PRCP: variants seen among roughly 807,000 people sequenced by gnomAD.
PRCP encodes lysosomal Pro-X carboxypeptidase.
A neutral mutation model predicts 54.2 loss-of-function variants in PRCP; 46 were observed. The observed-to-expected ratio is 0.85, with a 90% CI of 0.67 to 1.09. PRCP has a LOEUF of 1.09. Ranked by LOEUF, PRCP falls within the 50% of genes least tolerant of loss-of-function variation. The probability of loss-of-function intolerance (pLI) is 0.00; values close to 1 mark genes in which losing one functional copy is unlikely to be tolerated. For synonymous variants in PRCP, 240 were observed against 212.2 expected, an observed-to-expected ratio of 1.13 and a Z score of -1.14; for missense variants, 613 against 596.8, an observed-to-expected ratio of 1.03 and a Z score of -0.28.
At chr11:82,844,747 A>AAAAAAAGAAAG (rs756222029) in intron 6 of PRCP, among the ~76,000 whole-genome samples, 5 of 136,048 alleles carry the variant, frequency 3.7e-5, no homozygotes, top group East Asian at 2.0e-4. Flanking sequence ...AAAAAAAAAA[A>AAAAAAAGAAAG]AAAGAAAGAA....
chr11:82,853,237 C>A lies in PRCP; in HGVS notation c.351G>T (p.Leu117Phe). 6.2e-7 allele frequency: 1 copy of A among 1,613,008 alleles called. No individual in the cohort carries two copies. The highest frequency in any genetic ancestry group is 8.5e-7 in the Non-Finnish European group (1 of 1,179,334). ...WDVAEELKAM[L>F]VFAEHRYYGE... ...CATAGTATCGATGTTCAGCAAACAC[C>A]AACATAGCTTTCAGTTCCTCAGCCA... Residue 117 changes from leucine (L) to phenylalanine (F), a missense_variant, in exon 3 of 9, where the codon TTG becomes TTT. Leu to Phe is a conservative substitution (Grantham distance 22, BLOSUM62 0). Coordinates refer to ENST00000313010, the MANE Select transcript of PRCP (RefSeq NM_005040.4).
At chr11:82,886,106 C>T (rs1859856908) in intron 1 of PRCP, among the ~76,000 whole-genome samples, 1 of 152,172 alleles carries the variant, frequency 6.6e-6, no homozygotes, top group Admixed American at 6.5e-5. Flanking sequence ...TCTCTTCTTT[C>T]TGTAACACAA....
rs1213516206 is a variant in PRCP at position 82,849,929 on chromosome 11, G to A, written c.736C>T (p.Arg246Ter). ...TAAAGCTTACCAGTATTTGAGAGTC[G>A]ATTAATGGCATCCCAGGACCTGTGG... ...SIHRSWDAIN[R>*]LSNTGSGLQW... The change falls in exon 5 of 9, where the codon CGA becomes TGA. Residue 246 changes from arginine to a stop codon, truncating the protein, a stop_gained. Transcript: ENST00000313010. LOFTEE classifies it high-confidence loss of function. 19 of 1,509,214 alleles carry A rather than the reference G, an allele frequency of 1.3e-5. No homozygotes were observed. Among genetic ancestry groups the A allele is most frequent in the Non-Finnish European group, 1.5e-5 (17 of 1,129,734 alleles). 93.5% of individuals were successfully genotyped at this position (1,509,214 alleles called of 1,614,324 possible). A position where few individuals can be genotyped will look rare whatever the true frequency, so the allele number is the denominator to read the frequency against.
rs1300672862 is a variant in PRCP at position 82,850,350 on chromosome 11, C to A, written c.567G>T (p.Arg189Ser). ...SYGGMLAAWFRMKYPHMVVGA... is the reference protein window; with the variant it reads ...SYGGMLAAWFSMKYPHMVVGA... ...CAACTACCATATGAGGATATTTCAT[C>A]CTAAACCAGGCGGCAAGCATGCCAC... The change falls in exon 4 of 9, where the codon AGG becomes AGT. Residue 189 changes from arginine to serine, a missense_variant. Arg to Ser is a moderately radical substitution (Grantham distance 110). Coordinates refer to ENST00000313010, the MANE Select transcript of PRCP (RefSeq NM_005040.4). 3 of 1,583,938 alleles carry A rather than the reference C, an allele frequency of 1.9e-6. No homozygotes were observed. The highest frequency in any genetic ancestry group is 2.6e-6 in the Non-Finnish European group (3 of 1,163,654).
intron 1 of PRCP, among the ~76,000 whole-genome samples, chr11:82,894,494 AT>A (rs1860074832): frequency 6.6e-6 from 1 of 152,206 alleles, no homozygotes; most frequent in South Asian, 2.1e-4. Context: ...AGTGAACAAA[AT>A]TATAGGTAAA....
intron 8 of PRCP, among the ~76,000 whole-genome samples, chr11:82,831,984 C>T (rs1858397156): frequency 6.6e-6 from 1 of 152,020 alleles, no homozygotes; most frequent in African/African-American, 2.4e-5. Context: ...TTTTCTGTTC[C>T]TGTGTTAGTT....
intron 8 of PRCP, chr11:82,831,467 G>C (rs1017171242): frequency 1.3e-5 from 2 of 152,174 alleles, no homozygotes; most frequent in African/African-American, 4.8e-5. Context: ...AACCCTGTTA[G>C]GTACTCATTA....
intron 3 of PRCP, among the ~76,000 whole-genome samples, chr11:82,852,172 G>A (rs576605704): frequency 1.1e-4 from 17 of 152,170 alleles, no homozygotes; most frequent in East Asian, 1.9e-4. Context: ...AGATATTTAC[G>A]CAAAATACCA....
chr11:82,896,678 CAAAAAAAA>C (rs68047129), intron 1 of PRCP, among the ~76,000 whole-genome samples: 1 of 55,674 alleles, frequency 1.8e-5, no homozygotes, highest in Admixed American at 2.1e-4. Context: ...GACTCCAACT[CAAAAAAAA>C]AAAAAAAAAA....
intron 1 of PRCP, among the ~76,000 whole-genome samples, chr11:82,871,478 C>A (rs1290815838): frequency 6.6e-6 from 1 of 152,180 alleles, no homozygotes; most frequent in Non-Finnish European, 1.5e-5. Context: ...TGCACCTGGA[C>A]TGTTCTGAAT....
chr11:82,853,376 C>A (rs1859006192), intron 2 of PRCP, 98 bp from the exon 3 acceptor site: 5 of 841,254 alleles, frequency 5.9e-6, no homozygotes, highest in South Asian at 4.3e-5. Context: ...TAAGCCAGAA[C>A]AAAAAGAGCA....
chr11:82,885,094 TC>T (rs1475414068), intron 1 of PRCP, among the ~76,000 whole-genome samples: 2 of 152,204 alleles, frequency 1.3e-5, no homozygotes, highest in Non-Finnish European at 2.9e-5. Context: ...ATGGCAGCTA[TC>T]TTGGAACAGA....
intron 2 of PRCP, among the ~76,000 whole-genome samples, chr11:82,855,987 C>T (rs1859073674): frequency 1.3e-5 from 2 of 152,044 alleles, no homozygotes; most frequent in South Asian, 4.1e-4. Context: ...TTCAACCCAC[C>T]AATCCTCACT....
At chr11:82,840,628 T>C (rs1858639878) in intron 6 of PRCP, 1 of 152,242 alleles carries the variant, frequency 6.6e-6, no homozygotes, top group South Asian at 2.1e-4. Context: ...AAACTTTTCA[T>C]AATAAAATGT....
At chr11:82,895,873 T>A (rs1007225484) in intron 1 of PRCP, among the ~76,000 whole-genome samples, 2 of 152,144 alleles carry the variant, frequency 1.3e-5, no homozygotes, top group Admixed American at 6.5e-5. Flanking sequence ...CTATAAAGGA[T>A]GTACATAAAT....
intron 1 of PRCP, among the ~76,000 whole-genome samples, chr11:82,876,668 C>T (rs113748795): frequency 0.014 from 2,078 of 152,258 alleles, 46 homozygotes; most frequent in African/African-American, 0.047. Flanking sequence ...TCTCTTGCCG[C>T]CACCATGTAA....
rs2228312 is a variant in PRCP, at chr11:82,825,066, G to C, written c.1331C>G (p.Thr444Ser). The C allele has an allele frequency of 0.023, 37,570 of 1,613,938 alleles. 544 individuals carry two copies. Among genetic ancestry groups the C allele is most frequent in the Non-Finnish European group, 0.026 (30,576 of 1,179,886 alleles). Residue 444 changes from threonine to serine, a missense_variant, in exon 9 of 9, where the codon ACT becomes AGT. By Grantham distance (58) the Thr-to-Ser change is moderately conservative. Transcript: ENST00000313010. The stretch of plus-strand genomic sequence containing the variant: ...CTCTGAGATGGTGACTGCAACCAGA[G>C]TGTCTGTGATATCCTTAGTTACTCC... ...GGGVTKDITD[T>S]LVAVTISEGA...
At chr11:82,882,494 CTT>C (rs766453104) in intron 1 of PRCP, among the ~76,000 whole-genome samples, 15 of 127,758 alleles carry the variant, frequency 1.2e-4, no homozygotes, top group South Asian at 2.6e-4. Context: ...TGAGCCAGTT[CTT>C]TTTTTTTTTT....
intron 5 of PRCP, 90 bp downstream of exon 5, chr11:82,849,824 A>G: frequency 1.7e-6 from 2 of 1,179,644 alleles, no homozygotes; most frequent in Non-Finnish European, 2.2e-6. Flanking sequence ...ATACTTTAAC[A>G]AAATGTTTAC....
Sources: allele counts gnomAD v4.1 joint callset (sites outside exome capture counted in the v4.1 genomes callset), GRCh38; gene constraint gnomAD v4.1.1; transcripts MANE v1.5; gene names NCBI Gene and HGNC (gene_info 2026-07-23, HGNC 2026-07-21).